Variants in COPS2 observed in about 807,000 individuals in gnomAD.
The protein encoded by COPS2 is COP9 signalosome complex subunit 2.
A neutral mutation model predicts 66.1 loss-of-function variants in COPS2; 10 were observed. The observed-to-expected ratio is 0.15, with a 90% CI of 0.09 to 0.26. The LOEUF (loss-of-function observed/expected upper bound fraction) is 0.26. Among genes scored for constraint, COPS2 ranks in the 10% least tolerant of loss-of-function variants. COPS2 has a pLI of 1.00. For synonymous variants in COPS2, 179 were observed against 171.3 expected (o/e 1.04, Z -0.35); for missense variants, 215 against 513.3 (o/e 0.42, Z 5.62).
chr15:49,142,256 T>C (rs981514490), intron 3 of COPS2, among the ~76,000 whole-genome samples: 27 of 152,228 alleles, frequency 1.8e-4, no homozygotes, highest in African/African-American at 6.5e-4. Flanking sequence ...CAATATACAA[T>C]ATACTTAATA....
intron 1 of COPS2, among the ~76,000 whole-genome samples, chr15:49,149,982 T>C (rs1356165267): frequency 6.6e-6 from 1 of 152,042 alleles, no homozygotes; most frequent in Non-Finnish European, 1.5e-5. Context: ...TAAATTAGAA[T>C]TAAAAAACAA....
In COPS2 at chr15:49,137,239, C is replaced by G. The variant is rs2084259881; in HGVS notation, c.463-12G>C. On this transcript the variant is annotated splice_polypyrimidine_tract_variant and intron_variant, in intron 5 of 12. Coordinates refer to ENST00000388901, the MANE Select transcript of COPS2 (RefSeq NM_004236.4). The stretch of plus-strand genomic sequence containing the variant: ...TATAATTTTCCAAGCTGCAAGAAAG[C>G]AAATTTATTAAAATCAAGATTTCAA... 6.3e-7 allele frequency: 1 copy of G among 1,581,564 alleles called. No homozygotes were observed. The highest frequency in any genetic ancestry group is 1.4e-5 in the African/African-American group (1 of 73,012).
In COPS2 at chr15:49,135,248, A is replaced by T. The variant is rs181523456; in HGVS notation, c.541-734T>A. Reference sequence around the variant, plus strand: ...GACTGCTGTACGTATGAAATGTTTTAATGTTTATGTTTTTATCTAGGAGAT... The same window carrying T: ...GACTGCTGTACGTATGAAATGTTTTTATGTTTATGTTTTTATCTAGGAGAT... On this transcript the variant is annotated intron_variant, in intron 6 of 12. Coordinates refer to ENST00000388901, the MANE Select transcript of COPS2 (RefSeq NM_004236.4). Among the ~76,000 whole-genome samples the T allele has an allele frequency of 2.2e-3, 332 of 152,240 alleles. 1 individual carries two copies. The highest frequency in any genetic ancestry group is 7.7e-3 in the African/African-American group (319 of 41,538).
chr15:49,155,543 A>C lies in COPS2; in HGVS notation c.36T>G (p.Asp12Glu). Residue 12 changes from aspartate (D) to glutamate (E), a missense_variant, in exon 1 of 13, where the codon GAT becomes GAG. By Grantham distance (45) the Asp-to-Glu change is conservative. This residue lies in a region of COPS2 where 27 missense variants were observed against 21.5 expected (regional missense o/e 1.25). Coordinates refer to ENST00000388901, the MANE Select transcript of COPS2 (RefSeq NM_004236.4). Reference protein sequence around the residue: ...SDMEDDFMCDDEEDYDLEYSE... With the variant: ...SDMEDDFMCDEEEDYDLEYSE... ...GCCTCACCAGGTCGTAGTCCTCCTC[A>C]TCATCGCACATGAAATCATCCTCCA... is the stretch of plus-strand genomic sequence containing the variant. 1.2e-6 allele frequency: 2 copies of C among 1,614,132 alleles called. No homozygotes were observed. Among genetic ancestry groups the C allele is most frequent in the South Asian group, 2.2e-5 (2 of 91,088 alleles).
chr15:49,131,736 G>A (rs2084210709), intron 9 of COPS2, among the ~76,000 whole-genome samples: 1 of 151,968 alleles, frequency 6.6e-6, no homozygotes, highest in Non-Finnish European at 1.5e-5. Flanking sequence ...TACTATAGGA[G>A]GACATATTCA....
At chr15:49,128,180 A>T (rs2084182985) in intron 12 of COPS2, 86 bp from the exon 13 acceptor site, 1 of 1,318,810 alleles carries the variant, frequency 7.6e-7, no homozygotes, top group South Asian at 1.5e-5. Flanking sequence ...TACAGTATCA[A>T]CAAATGCCAA....
chr15:49,150,718 T>C (rs2084354448), intron 1 of COPS2, among the ~76,000 whole-genome samples: 1 of 152,032 alleles, frequency 6.6e-6, no homozygotes, highest in African/African-American at 2.4e-5. Context: ...GAGAACTCAT[T>C]AACACAAAGA....
Position 49,145,085 on chromosome 15 carries a change from T to C in COPS2, c.55-7A>G. Reference sequence around the variant, plus strand: ...TACTATCTTCAGAGTATTCCTGTGTTGGAAAGAAAGAAATATTAAAAGAAA... The same window carrying C: ...TACTATCTTCAGAGTATTCCTGTGTCGGAAAGAAAGAAATATTAAAAGAAA... On this transcript the variant is annotated splice_region_variant and splice_polypyrimidine_tract_variant and intron_variant, in intron 1 of 12. Transcript: ENST00000388901. The C allele has an allele frequency of 7.2e-7, 1 of 1,394,824 alleles. No individual in the cohort carries two copies. The highest frequency in any genetic ancestry group is 9.8e-7 in the Non-Finnish European group (1 of 1,019,366). 86.4% of individuals were successfully genotyped at this position (1,394,824 alleles called of 1,614,324 possible).
At chr15:49,143,950 C>T (rs1261401048) in intron 3 of COPS2, among the ~76,000 whole-genome samples, 1 of 150,270 alleles carries the variant, frequency 6.7e-6, no homozygotes, top group Admixed American at 6.6e-5. Flanking sequence ...TGCACCATTG[C>T]ACTCCAGCCT....
chr15:49,130,890 C>T (rs2084203153), intron 9 of COPS2, 74 bp from the exon 10 acceptor site: 2 of 698,718 alleles, frequency 2.9e-6, no homozygotes, highest in South Asian at 4.3e-5. Flanking sequence ...TCCAAAGACC[C>T]TGCTTCTCAA....
In COPS2 at chr15:49,126,794, A is replaced by G. The variant is rs375715723; in HGVS notation, c.*1156T>C. 1.3e-5 allele frequency: 2 copies of G among 152,138 alleles called. No homozygotes were observed. Among genetic ancestry groups the G allele is most frequent in the African/African-American group, 4.8e-5 (2 of 41,442 alleles). 9.4% of individuals were successfully genotyped at this position (152,138 alleles called of 1,614,324 possible). A position where few individuals can be genotyped will look rare whatever the true frequency, so the allele number is the denominator to read the frequency against. ...CTGCATTACCTCAAAGTTAGGTGGA[A>G]GTTTTGGAAACTTTCATTTGGTGCC... On this transcript the variant is annotated 3_prime_UTR_variant, in exon 13 of 13. Coordinates refer to ENST00000388901, the MANE Select transcript of COPS2 (RefSeq NM_004236.4).
At chr15:49,136,657 G>A (rs1217233190) in intron 6 of COPS2, among the ~76,000 whole-genome samples, 3 of 152,098 alleles carry the variant, frequency 2.0e-5, no homozygotes, top group South Asian at 4.1e-4. Flanking sequence ...CAATAGGCCT[G>A]TTTGTTTATT....
At chr15:49,128,125 A>G in intron 12 of COPS2, 31 bp from the exon 13 acceptor site, 1 of 1,602,212 alleles carries the variant, frequency 6.2e-7, no homozygotes, top group South Asian at 1.1e-5. Context: ...TGTGTCTACA[A>G]AAGACTTTCA....
intron 1 of COPS2, among the ~76,000 whole-genome samples, chr15:49,151,308 G>C (rs535584495): frequency 6.6e-6 from 1 of 151,426 alleles, no homozygotes; most frequent in Non-Finnish European, 1.5e-5. Context: ...GTTGAGGCAG[G>C]AGAATTGCTT....
intron 1 of COPS2, among the ~76,000 whole-genome samples, chr15:49,145,648 T>G (rs1193143988): frequency 6.6e-6 from 1 of 152,140 alleles, no homozygotes; most frequent in Non-Finnish European, 1.5e-5. Context: ...AATGTTAACT[T>G]AATCAGCTTT....
In COPS2 at chr15:49,125,414, G is replaced by A. The variant is rs2084158009; in HGVS notation, c.*2536C>T. ...TTGCAGTAACTTTTAGCTAGGTTTA[G>A]GGATAAAAAGAAGAATGAGATGAAC... On this transcript the variant is annotated 3_prime_UTR_variant, in exon 13 of 13. Coordinates refer to ENST00000388901, the MANE Select transcript of COPS2 (RefSeq NM_004236.4). The A allele has an allele frequency of 6.6e-6, 1 of 152,028 alleles. No individual in the cohort carries two copies. Among genetic ancestry groups the A allele is most frequent in the Admixed American group, 6.6e-5 (1 of 15,266 alleles). The allele number at this position is 152,028 out of a possible 1,614,324, so 9.4% of individuals were successfully genotyped here.
intron 3 of COPS2, among the ~76,000 whole-genome samples, chr15:49,143,635 G>T (rs1010786266): frequency 2.0e-5 from 3 of 152,176 alleles, no homozygotes; most frequent in African/African-American, 4.8e-5. Context: ...TAATAAACAG[G>T]AGAATTTTAA....
chr15:49,135,606 C>T (rs1338728406), intron 6 of COPS2, among the ~76,000 whole-genome samples: 2 of 151,972 alleles, frequency 1.3e-5, no homozygotes, highest in Non-Finnish European at 2.9e-5. Flanking sequence ...GACCAACAGC[C>T]CATGAAATGT....
At chr15:49,129,671 T>G (rs507054) in intron 10 of COPS2, 112 bp from the exon 11 acceptor site, 279,873 of 469,646 alleles carry the variant, frequency 0.6, 83,773 homozygotes, top group East Asian at 0.7. Context: ...TGCTTGGCAA[T>G]GATATAAAGT....
Sources: gnomAD v4.1 joint callset for allele counts (sites outside exome capture counted in the v4.1 genomes callset) on GRCh38, gnomAD v4.1.1 for gene constraint, gnomAD v4.1.1 regional missense constraint, MANE v1.5 for transcripts, NCBI Gene and HGNC (gene_info 2026-07-23, HGNC 2026-07-21) for gene names.